The following GALNT13 variants were observed in gnomAD, a reference collection of about 807,000 sequenced individuals.
The protein encoded by GALNT13 is UDP-GalNAc:polypeptide N-acetylgalactosaminyltransferase 13.
GALNT13 carries 28 observed loss-of-function variants against 64.2 expected under a neutral mutation model. That is an observed-to-expected ratio of 0.44 (90% CI 0.32 to 0.60). The LOEUF (loss-of-function observed/expected upper bound fraction) is 0.60, where lower values mean the gene tolerates loss of function less well. Among genes scored for constraint, GALNT13 ranks in the 20% least tolerant of loss-of-function variants. GALNT13 has a pLI of 0.05. For synonymous variants in GALNT13, 214 were observed against 224.6 expected, an observed-to-expected ratio of 0.95 and a Z score of 0.42; for missense variants, 577 against 669.8, an observed-to-expected ratio of 0.86 and a Z score of 1.53.
At chr2:154,166,961 A>G (rs1176556214) in intron 4 of GALNT13, among the ~76,000 whole-genome samples, 1 of 148,806 alleles carries the variant, frequency 6.7e-6, no homozygotes, top group African/African-American at 2.5e-5. Flanking sequence ...GGAACATCAC[A>G]CACCGGGGCC....
At chr2:154,400,109 C>A (rs892352713) in intron 10 of GALNT13, among the ~76,000 whole-genome samples, 4 of 152,148 alleles carry the variant, frequency 2.6e-5, no homozygotes, top group Admixed American at 6.5e-5. Flanking sequence ...TTAAGATGGA[C>A]ATTTTGATAA....
the GALNT13 span, among the ~76,000 whole-genome samples, chr2:153,435,098 A>G: frequency 6.6e-6 from 1 of 152,104 alleles, no homozygotes; most frequent in South Asian, 2.1e-4. Flanking sequence ...TCCTTTCCCC[A>G]TTTCTTGTTT....
At chr2:153,284,578 T>A in the GALNT13 span, among the ~76,000 whole-genome samples, 1,155 of 152,298 alleles carry the variant, frequency 7.6e-3, 8 homozygotes, top group Middle Eastern at 0.02. Context: ...TCTTTCCAAG[T>A]TAACTTCAGG....
chr2:153,822,969 A>T, the GALNT13 span, among the ~76,000 whole-genome samples: 2 of 152,218 alleles, frequency 1.3e-5, no homozygotes, highest in Non-Finnish European at 2.9e-5. Flanking sequence ...GTATTTATAT[A>T]GATCAATAAT....
At chr2:154,225,569 T>G (rs1006340191) in intron 4 of GALNT13, among the ~76,000 whole-genome samples, 1 of 152,136 alleles carries the variant, frequency 6.6e-6, no homozygotes, top group African/African-American at 2.4e-5. Context: ...AGGAAATAGT[T>G]ATCAATAGAT....
chr2:153,443,647 G>T, the GALNT13 span, among the ~76,000 whole-genome samples: 1 of 152,102 alleles, frequency 6.6e-6, no homozygotes, highest in Non-Finnish European at 1.5e-5. Flanking sequence ...CCCAGGCCAG[G>T]TGCGGTGGCT....
At chr2:153,598,032 A>C in the GALNT13 span, among the ~76,000 whole-genome samples, 1 of 152,152 alleles carries the variant, frequency 6.6e-6, no homozygotes, top group East Asian at 1.9e-4. Flanking sequence ...CACAGTTCTT[A>C]AAATGTTAAA....
chr2:153,112,691 T>C, the GALNT13 span, among the ~76,000 whole-genome samples: 17 of 152,218 alleles, frequency 1.1e-4, no homozygotes, highest in East Asian at 2.5e-3. Context: ...TATATTTATG[T>C]TCTTAATTAG....
chr2:153,681,050 G>A, the GALNT13 span, among the ~76,000 whole-genome samples: 1 of 151,862 alleles, frequency 6.6e-6, no homozygotes, highest in African/African-American at 2.4e-5. Context: ...CAACAAAATG[G>A]TGCCAAGTCG....
the GALNT13 span, among the ~76,000 whole-genome samples, chr2:153,733,038 A>G: frequency 5.3e-5 from 8 of 152,260 alleles, no homozygotes; most frequent in South Asian, 1.7e-3. Context: ...AAGGATAAAA[A>G]TTCAACATGT....
intron 3 of GALNT13, among the ~76,000 whole-genome samples, chr2:154,123,345 A>G (rs2105522809): frequency 6.6e-6 from 1 of 152,064 alleles, no homozygotes; most frequent in South Asian, 2.1e-4. Context: ...TGTTCAAGTA[A>G]TGTTTCCTTG....
At chr2:153,227,043 C>A in the GALNT13 span, among the ~76,000 whole-genome samples, 1 of 152,150 alleles carries the variant, frequency 6.6e-6, no homozygotes, top group Non-Finnish European at 1.5e-5. Flanking sequence ...GCCAGATTAG[C>A]CTAATTCATT....
chr2:153,998,203 C>G (rs1181284924), intron 3 of GALNT13, among the ~76,000 whole-genome samples: 1 of 152,016 alleles, frequency 6.6e-6, no homozygotes, highest in East Asian at 1.9e-4. Flanking sequence ...GTTCCAGATC[C>G]TTGAGGAATC....
At chr2:153,780,873 T>C in the GALNT13 span, among the ~76,000 whole-genome samples, 1 of 152,144 alleles carries the variant, frequency 6.6e-6, no homozygotes, top group Non-Finnish European at 1.5e-5. Context: ...AAGAGAGACA[T>C]GATTCCTGTC....
rs1231117612 is a variant in GALNT13 at position 154,004,084 on chromosome 2, GAATTATAGACTAATTCT to G, written c.142+59466_142+59482del. 3.3e-4 allele frequency among the ~76,000 whole-genome samples: 50 copies of G among 152,132 alleles called. No individual in the cohort carries two copies. In the South Asian group the frequency reaches 6.4e-3, roughly 20 times the overall value. The stretch of plus-strand genomic sequence containing the variant: ...TAATACCTTTCATTAGACCTTTAAT[GAATTATAGACTAATTCT>G]AATTATAGACTAATTCTAATACATT... On this transcript the variant is annotated intron_variant, in intron 3 of 12. Coordinates refer to ENST00000392825, the MANE Select transcript of GALNT13 (RefSeq NM_052917.4).
intron 3 of GALNT13, among the ~76,000 whole-genome samples, chr2:154,115,716 C>T (rs376425621): frequency 1.2e-4 from 19 of 152,156 alleles, no homozygotes; most frequent in South Asian, 1.2e-3. Flanking sequence ...CCACCATGCC[C>T]GGCCTATTAG....
chr2:154,000,023 A>G (rs1695794510), intron 3 of GALNT13, among the ~76,000 whole-genome samples: 1 of 151,994 alleles, frequency 6.6e-6, no homozygotes, highest in South Asian at 2.1e-4. Flanking sequence ...CAGATCTTCC[A>G]TTACTTCATG....
the GALNT13 span, among the ~76,000 whole-genome samples, chr2:153,849,174 G>A: frequency 6.6e-6 from 1 of 152,124 alleles, no homozygotes; most frequent in South Asian, 2.1e-4. Flanking sequence ...CAATAAGAGA[G>A]TAAAAACCAC....
chr2:153,716,106 G>A, the GALNT13 span, among the ~76,000 whole-genome samples: 2 of 152,146 alleles, frequency 1.3e-5, no homozygotes, highest in Non-Finnish European at 2.9e-5. Flanking sequence ...TATCCTTTGA[G>A]CTGATTATTT....
Sources: gnomAD v4.1 joint callset for allele counts (sites outside exome capture counted in the v4.1 genomes callset) on GRCh38, gnomAD v4.1.1 for gene constraint, MANE v1.5 for transcripts, NCBI Gene and HGNC (gene_info 2026-07-23, HGNC 2026-07-21) for gene names.